The following DHRSX variants were observed in gnomAD, a reference collection of about 807,000 sequenced individuals.
The protein encoded by DHRSX is polyprenol dehydrogenase.
In DHRSX, 31 loss-of-function variants were observed where a neutral mutation model predicts 34.0. That is an observed-to-expected ratio of 0.91 (90% CI 0.69 to 1.23). DHRSX has a LOEUF of 1.23. Among genes scored for constraint, DHRSX ranks in the 50% most tolerant of loss-of-function variants. The pLI, the probability that DHRSX is intolerant of heterozygous loss-of-function variation, is 0.00. For synonymous variants in DHRSX, 201 were observed against 183.8 expected (o/e 1.09, Z -0.76); for missense variants, 414 against 428.1 (o/e 0.97, Z 0.29).
chrX:2,361,137 G>A (rs915728446), intron 3 of DHRSX, among the ~76,000 whole-genome samples: 1 of 152,026 alleles, frequency 6.6e-6, no homozygotes, highest in Non-Finnish European at 1.5e-5. Context: ...GTGAGATGGA[G>A]TTTTCACTCT....
chrX:2,331,182 CTTCCA>C (rs1162150514), intron 3 of DHRSX, among the ~76,000 whole-genome samples: 1 of 152,114 alleles, frequency 6.6e-6, no homozygotes, highest in Admixed American at 6.6e-5. Context: ...AGAAACTCCT[CTTCCA>C]TTCCAGTTTT....
chrX:2,305,554 A>T (rs2042088342), intron 3 of DHRSX, among the ~76,000 whole-genome samples: 1 of 152,178 alleles, frequency 6.6e-6, no homozygotes, highest in Non-Finnish European at 1.5e-5. Context: ...TGTTTACTGC[A>T]GCACTGTTCA....
intron 1 of DHRSX, among the ~76,000 whole-genome samples, chrX:2,448,645 G>A (rs943521299): frequency 3.2e-4 from 48 of 152,162 alleles, no homozygotes; most frequent in African/African-American, 1.0e-3. Flanking sequence ...TTTAATCACC[G>A]CACAATGTGT....
chrX:2,268,200 C>G, intron 4 of DHRSX, among the ~76,000 whole-genome samples: 1 of 152,344 alleles, frequency 6.6e-6, no homozygotes, highest in South Asian at 2.1e-4. Flanking sequence ...GGCTGAGCGC[C>G]TGCCCTGAAG....
At position 2,496,356 on chromosome X, in the gene DHRSX, AC is replaced by A. The variant is rs201199800; in HGVS notation, c.109+4460del. ...TGGGACTACAGGCGCACACTGCCACACCCAGCTAATTTTTTGTATTTTAGTA... is the reference window on the plus strand; with the variant it reads ...TGGGACTACAGGCGCACACTGCCACACCAGCTAATTTTTTGTATTTTAGTA... On this transcript the variant is annotated intron_variant, in intron 1 of 6. Transcript: ENST00000334651. Among the ~76,000 whole-genome samples, 1,405 of 152,048 alleles carry A rather than the reference AC, an allele frequency of 9.2e-3. 40 individuals are homozygous for A. Among genetic ancestry groups the A allele is most frequent in the East Asian group, 0.086 (444 of 5,156 alleles).
intron 4 of DHRSX, among the ~76,000 whole-genome samples, chrX:2,275,330 T>C (rs1282344150): frequency 2.6e-5 from 2 of 77,238 alleles, no homozygotes; most frequent in Non-Finnish European, 6.4e-5. Context: ...AAACCCCGTC[T>C]CTACTAAAAA....
chrX:2,299,759 G>A (rs1227596472), intron 3 of DHRSX, among the ~76,000 whole-genome samples: 1 of 152,100 alleles, frequency 6.6e-6, no homozygotes, highest in East Asian at 1.9e-4. Flanking sequence ...GGAGGCTGAG[G>A]CAGGACAATC....
At chrX:2,410,732 TAA>T (rs1470838738) in intron 2 of DHRSX, among the ~76,000 whole-genome samples, 2 of 152,128 alleles carry the variant, frequency 1.3e-5, no homozygotes, top group African/African-American at 2.4e-5. Flanking sequence ...AAAAAATATA[TAA>T]AAGAGGAGAA....
chrX:2,260,135 C>T (rs1219911326), intron 5 of DHRSX, among the ~76,000 whole-genome samples: 2 of 142,052 alleles, frequency 1.4e-5, no homozygotes, highest in Non-Finnish European at 1.5e-5. Context: ...CTCCACGTGG[C>T]CTTCTCCTCT....
chrX:2,398,893 C>T (rs2043447527), intron 3 of DHRSX, among the ~76,000 whole-genome samples: 1 of 152,024 alleles, frequency 6.6e-6, no homozygotes, highest in Non-Finnish European at 1.5e-5. Context: ...CGCTCTGTCG[C>T]CCAGGCTGGA....
At chrX:2,340,636 CG>C (rs1223593763) in intron 3 of DHRSX, among the ~76,000 whole-genome samples, 1 of 152,060 alleles carries the variant, frequency 6.6e-6, no homozygotes, top group Non-Finnish European at 1.5e-5. Context: ...CTGGACTCCC[CG>C]CCAGACACCC....
intron 3 of DHRSX, among the ~76,000 whole-genome samples, chrX:2,312,891 G>A (rs2042180090): frequency 6.6e-6 from 1 of 152,006 alleles, no homozygotes; most frequent in Non-Finnish European, 1.5e-5. Context: ...TTTTACTGCT[G>A]ACCGCAAGTC....
intron 6 of DHRSX, among the ~76,000 whole-genome samples, chrX:2,226,786 T>C (rs1264222791): frequency 1.3e-5 from 2 of 149,856 alleles, no homozygotes; most frequent in African/African-American, 2.5e-5. Context: ...CAGAGCGAGA[T>C]GCCATCTCAA....
chrX:2,284,354 T>C (rs2041777670), intron 4 of DHRSX, among the ~76,000 whole-genome samples: 1 of 93,536 alleles, frequency 1.1e-5, no homozygotes, highest in African/African-American at 3.2e-5. Context: ...ATTTGAATTC[T>C]TTCATTCATT....
At chrX:2,493,286 A>C (rs2045203653) in intron 1 of DHRSX, among the ~76,000 whole-genome samples, 2 of 152,166 alleles carry the variant, frequency 1.3e-5, no homozygotes, top group African/African-American at 4.8e-5. Flanking sequence ...GTCCGACCTG[A>C]GTGACAGGAC....
intron 5 of DHRSX, among the ~76,000 whole-genome samples, chrX:2,264,066 T>C (rs1206112295): frequency 6.6e-6 from 1 of 152,212 alleles, no homozygotes; most frequent in Non-Finnish European, 1.5e-5. Context: ...GTGTTTCTTG[T>C]TCCTTCTAAA....
At chrX:2,477,809 C>A (rs1228009986) in intron 1 of DHRSX, among the ~76,000 whole-genome samples, 1 of 151,694 alleles carries the variant, frequency 6.6e-6, no homozygotes, top group East Asian at 1.9e-4. Flanking sequence ...CCCTCCACTG[C>A]ACTCCAGCCT....
intron 3 of DHRSX, among the ~76,000 whole-genome samples, chrX:2,375,065 C>A (rs2043124839): frequency 7.3e-6 from 1 of 137,660 alleles, no homozygotes. Flanking sequence ...CAAGAACCTG[C>A]CTCTAAAACA....
chrX:2,241,258 C>T (rs1188680075), intron 6 of DHRSX, among the ~76,000 whole-genome samples: 3 of 152,098 alleles, frequency 2.0e-5, no homozygotes, highest in African/African-American at 4.8e-5. Context: ...TAATGCATCA[C>T]GACAACGAAG....
Sources: allele counts gnomAD v4.1 joint callset (sites outside exome capture counted in the v4.1 genomes callset), GRCh38; gene constraint gnomAD v4.1.1; transcripts MANE v1.5; gene names NCBI Gene and HGNC (gene_info 2026-07-23, HGNC 2026-07-21).